CAST: variants seen among roughly 807,000 people sequenced by gnomAD.
CAST encodes MIR583 host.
A neutral mutation model predicts 119.6 loss-of-function variants in CAST; 76 were observed. The ratio of observed to expected loss-of-function variants is 0.64; its 90% confidence interval spans 0.53 to 0.77. The LOEUF is 0.77. Ranked by LOEUF, CAST falls within the 30% of genes least tolerant of loss-of-function variation. CAST has a pLI of 0.00. For synonymous variants in CAST, 319 were observed against 331.6 expected, an observed-to-expected ratio of 0.96 and a Z score of 0.41; for missense variants, 953 against 946.5, an observed-to-expected ratio of 1.01 and a Z score of -0.09.
At chr5:96,549,162 A>G (rs946627051) in intron 1 of CAST, among the ~76,000 whole-genome samples, 5 of 152,262 alleles carry the variant, frequency 3.3e-5, no homozygotes, top group Non-Finnish European at 1.5e-5. Context: ...GGTTTTAATT[A>G]ACTGGCACAA....
At chr5:96,102,342 C>T in the CAST span, among the ~76,000 whole-genome samples, 1 of 152,096 alleles carries the variant, frequency 6.6e-6, no homozygotes, top group Non-Finnish European at 1.5e-5. Flanking sequence ...TGGCTCTTCT[C>T]CGAAGTTAAG....
At chr5:96,526,105 A>T (rs1025022518), upstream of CAST, among the ~76,000 whole-genome samples, 1 of 152,148 alleles carries the variant, frequency 6.6e-6, no homozygotes, top group African/African-American at 2.4e-5. Flanking sequence ...TTCTCAAGAG[A>T]TTTTTTCTTC....
At chr5:96,463,650 T>A in the CAST span, among the ~76,000 whole-genome samples, 1 of 152,106 alleles carries the variant, frequency 6.6e-6, no homozygotes, top group African/African-American at 2.4e-5. Flanking sequence ...AAATTTGTGT[T>A]AAAGGACTAT....
At chr5:96,150,154 G>A in the CAST span, among the ~76,000 whole-genome samples, 1 of 152,320 alleles carries the variant, frequency 6.6e-6, no homozygotes, top group East Asian at 1.9e-4. Context: ...CCACAAACAA[G>A]TGTAACAGGA....
the CAST span, among the ~76,000 whole-genome samples, chr5:96,517,144 T>C: frequency 6.9e-6 from 1 of 145,700 alleles, no homozygotes; most frequent in Non-Finnish European, 1.5e-5. Context: ...TCTACACATC[T>C]TTTTTTTTTT....
At chr5:96,132,447 A>G in the CAST span, among the ~76,000 whole-genome samples, 1 of 152,142 alleles carries the variant, frequency 6.6e-6, no homozygotes, top group Non-Finnish European at 1.5e-5. Context: ...ATTTTTAAAA[A>G]TACAATAAAT....
the CAST span, among the ~76,000 whole-genome samples, chr5:96,331,729 A>G: frequency 6.6e-6 from 1 of 152,208 alleles, no homozygotes; most frequent in Non-Finnish European, 1.5e-5. Flanking sequence ...TATTTACTGA[A>G]TCTCATCTTT....
intron 1 of CAST, among the ~76,000 whole-genome samples, chr5:96,607,484 C>T (rs1254430652): frequency 6.6e-6 from 1 of 152,180 alleles, no homozygotes; most frequent in African/African-American, 2.4e-5. Context: ...AATTATTCTT[C>T]AGAAGGAAAT....
At chr5:96,139,501 T>TAG in the CAST span, among the ~76,000 whole-genome samples, 2 of 144,094 alleles carry the variant, frequency 1.4e-5, no homozygotes, top group African/African-American at 5.2e-5. Flanking sequence ...AACATATATA[T>TAG]ATACACATAT....
At chr5:96,188,451 TC>T in the CAST span, among the ~76,000 whole-genome samples, 1 of 152,182 alleles carries the variant, frequency 6.6e-6, no homozygotes, top group African/African-American at 2.4e-5. Flanking sequence ...TCAACTTTTT[TC>T]CCATTCTTTC....
At chr5:96,093,752 A>G in the CAST span, among the ~76,000 whole-genome samples, 3 of 152,178 alleles carry the variant, frequency 2.0e-5, no homozygotes, top group South Asian at 2.1e-4. Flanking sequence ...AATGAGAGAG[A>G]TAAGTACAGA....
intron 3 of CAST, among the ~76,000 whole-genome samples, chr5:96,698,562 C>T (rs185164612): frequency 1.2e-4 from 19 of 152,232 alleles, no homozygotes; most frequent in African/African-American, 4.1e-4. Flanking sequence ...GTTGAACAAA[C>T]GTAATTGCTT....
the CAST span, among the ~76,000 whole-genome samples, chr5:96,388,435 C>T: frequency 6.6e-6 from 1 of 152,190 alleles, no homozygotes; most frequent in Non-Finnish European, 1.5e-5. Context: ...CTGGGGCACA[C>T]TCTCCTCACA....
At chr5:96,751,598 A>G (rs1327845997) in intron 20 of CAST, among the ~76,000 whole-genome samples, 1 of 152,172 alleles carries the variant, frequency 6.6e-6, no homozygotes, top group Non-Finnish European at 1.5e-5. Flanking sequence ...TACTTTTTAC[A>G]GCATGTGTGC....
intron 1 of CAST, among the ~76,000 whole-genome samples, chr5:96,533,801 A>G (rs1745734845): frequency 6.6e-6 from 1 of 152,224 alleles, no homozygotes; most frequent in Non-Finnish European, 1.5e-5. Flanking sequence ...CATAAACTAC[A>G]GTCTACTCAA....
the CAST span, among the ~76,000 whole-genome samples, chr5:96,143,855 A>C: frequency 2.0e-5 from 3 of 152,176 alleles, no homozygotes; most frequent in Admixed American, 2.0e-4. Flanking sequence ...CAAAGATTTG[A>C]GTTTCACTTA....
At chr5:96,397,513 T>A in the CAST span, 1 of 1,545,206 alleles carries the variant, frequency 6.5e-7, no homozygotes. Context: ...ATAGCTCTGA[T>A]AGTAGGATAC....
At chr5:96,346,354 G>A in the CAST span, among the ~76,000 whole-genome samples, 1,835 of 152,222 alleles carry the variant, frequency 0.012, 35 homozygotes, top group African/African-American at 0.042. Context: ...TGAATATCAG[G>A]CAGGTGGTTA....
At chr5:96,584,529 G>A (rs1354224496) in intron 1 of CAST, 1 of 152,166 alleles carries the variant, frequency 6.6e-6, no homozygotes, top group Non-Finnish European at 1.5e-5. Context: ...ATTGTATCAG[G>A]AAAATAAAAC....
Sources: allele counts gnomAD v4.1 joint callset (sites outside exome capture counted in the v4.1 genomes callset), GRCh38; gene constraint gnomAD v4.1.1; transcripts MANE v1.5; gene names NCBI Gene and HGNC (gene_info 2026-07-23, HGNC 2026-07-21).